The following TPPP variants were observed in gnomAD, a reference collection of about 807,000 sequenced individuals.
TPPP encodes the protein tubulin polymerization promoting protein.
In TPPP, 6 loss-of-function variants were observed where a neutral mutation model predicts 15.5. The ratio of observed to expected loss-of-function variants is 0.39; its 90% CI spans 0.21 to 0.77. The LOEUF is 0.77. Ranked by LOEUF, TPPP falls within the 30% of genes least tolerant of loss-of-function variation. The pLI is 0.42. For synonymous variants in TPPP, 146 were observed against 133.9 expected (o/e 1.09, Z -0.63); for missense variants, 269 against 307.2 (o/e 0.88, Z 0.93).
At chr5:671,430 G>A (rs1332155047) in intron 2 of TPPP, among the ~76,000 whole-genome samples, 1 of 152,156 alleles carries the variant, frequency 6.6e-6, no homozygotes, top group African/African-American at 2.4e-5. Flanking sequence ...CCTGGGCAGG[G>A]CTTTGGTCTG....
chr5:696,905 C>T (rs550825757), upstream of TPPP, among the ~76,000 whole-genome samples: 13 of 149,714 alleles, frequency 8.7e-5, no homozygotes, highest in African/African-American at 2.4e-4. Flanking sequence ...AGTGTGTCTG[C>T]GTGTGCCTGT....
chr5:672,202 C>T (rs923741050), intron 2 of TPPP, among the ~76,000 whole-genome samples: 8 of 152,158 alleles, frequency 5.3e-5, no homozygotes, highest in South Asian at 2.1e-4. Flanking sequence ...ACCCCAGTGC[C>T]GGCTGGCCGG....
At chr5:665,833 CA>C in intron 3 of TPPP, 136 bp downstream of exon 3, 1 of 1,035,356 alleles carries the variant, frequency 9.7e-7, no homozygotes, top group Non-Finnish European at 1.3e-6. Context: ...CCCTCCTGAC[CA>C]CGCCTCCCAG....
At chr5:683,239 C>G (rs570904518) in intron 1 of TPPP, among the ~76,000 whole-genome samples, 2 of 152,276 alleles carry the variant, frequency 1.3e-5, no homozygotes, top group Non-Finnish European at 2.9e-5. Flanking sequence ...TCCCTCGCAC[C>G]CGATGGCCTC....
At chr5:677,707 C>T (rs1321244568) in intron 2 of TPPP, 43 bp downstream of exon 2, 2 of 1,509,716 alleles carry the variant, frequency 1.3e-6, no homozygotes, top group African/African-American at 1.4e-5. Context: ...GCCGCAGACC[C>T]CCGTAAGTCA....
chr5:683,967 C>T (rs371320337), intron 1 of TPPP, among the ~76,000 whole-genome samples: 8 of 152,340 alleles, frequency 5.3e-5, no homozygotes, highest in South Asian at 4.1e-4. Context: ...CCCTCCACCT[C>T]GGGCCGGCTG....
chr5:680,561 G>A (rs1307424698), intron 1 of TPPP, among the ~76,000 whole-genome samples: 2 of 148,250 alleles, frequency 1.3e-5, no homozygotes, highest in African/African-American at 5.0e-5. Context: ...GTCCACGGGC[G>A]CTTGGGAGGG....
At chr5:671,463 CTGTT>C (rs1021720847) in intron 2 of TPPP, among the ~76,000 whole-genome samples, 6 of 152,210 alleles carry the variant, frequency 3.9e-5, no homozygotes, top group African/African-American at 1.2e-4. Context: ...CAGTTTCTGG[CTGTT>C]TGTTTGGAGA....
At chr5:688,200 C>A (rs1394494434) in intron 1 of TPPP, among the ~76,000 whole-genome samples, 1 of 131,448 alleles carries the variant, frequency 7.6e-6, no homozygotes, top group African/African-American at 2.7e-5. Context: ...GACTCATGAC[C>A]ACATGCCCCA....
chr5:683,284 C>T (rs865775439), intron 1 of TPPP, among the ~76,000 whole-genome samples: 3 of 76,974 alleles, frequency 3.9e-5, no homozygotes, highest in Middle Eastern at 6.9e-3. Flanking sequence ...CCTGTCTCTG[C>T]GGAGAAAGAC....
chr5:677,625 GC>G (rs1448563589), intron 2 of TPPP, 124 bp downstream of exon 2: 23 of 863,608 alleles, frequency 2.7e-5, no homozygotes, highest in African/African-American at 1.4e-4. Flanking sequence ...TCTGAGAAGG[GC>G]GGGGTCTTGA....
At chr5:676,761 G>T (rs962308080) in intron 2 of TPPP, 3 of 152,266 alleles carry the variant, frequency 2.0e-5, no homozygotes, top group African/African-American at 7.2e-5. Flanking sequence ...TGCGTGACAC[G>T]GCAACAGACG....
chr5:693,461 C>G (rs1311993582), upstream of TPPP: 30 of 147,224 alleles, frequency 2.0e-4, no homozygotes, highest in African/African-American at 7.4e-4. Flanking sequence ...CCCAGCGTCC[C>G]GCCCCGCGCG....
chr5:675,142 T>TGTGGCCAGGGGTGCAAC (rs1740366401), intron 2 of TPPP, among the ~76,000 whole-genome samples: 2 of 65,448 alleles, frequency 3.1e-5, no homozygotes, highest in African/African-American at 1.2e-4. Context: ...AGGGGTGCAG[T>TGTGGCCAGGGGTGCAAC]GTGGCCAGGG....
chr5:697,418 G>T (rs1345130181), upstream of TPPP, among the ~76,000 whole-genome samples: 2 of 151,396 alleles, frequency 1.3e-5, no homozygotes, highest in African/African-American at 4.9e-5. Flanking sequence ...CAGCGTGCTG[G>T]GAAGAAAAGA....
chr5:677,759 C>T lies in TPPP; in HGVS notation c.302G>A (p.Ser101Asn). Residue 101 changes from serine (S) to asparagine (N), a missense_variant, in exon 2 of 4, where the codon AGC becomes AAC. Transcript: ENST00000360578. The stretch of plus-strand genomic sequence containing the variant: ...AGCCCAGCGCACTCACTTGATCTTG[C>T]TGAAGACGATGTCCACGTCAGTGAC... ...VTVTDVDIVFSKIKGKSCRTI... is the reference protein window; with the variant it reads ...VTVTDVDIVFNKIKGKSCRTI... 6.4e-7 allele frequency: 1 copy of T among 1,566,476 alleles called. No individual in the cohort carries two copies. Among genetic ancestry groups the T allele is most frequent in the Non-Finnish European group, 8.7e-7 (1 of 1,153,566 alleles).
intron 2 of TPPP, among the ~76,000 whole-genome samples, chr5:668,609 G>A (rs1007698599): frequency 4.6e-5 from 7 of 152,254 alleles, no homozygotes; most frequent in African/African-American, 7.2e-5. Flanking sequence ...GTCCACACCC[G>A]GCCGAGCAAC....
At chr5:669,765 C>T (rs1740135103) in intron 2 of TPPP, among the ~76,000 whole-genome samples, 1 of 152,190 alleles carries the variant, frequency 6.6e-6, no homozygotes, top group East Asian at 1.9e-4. Flanking sequence ...CGGGTCTCTG[C>T]CCCACACGGG....
chr5:677,332 C>T (rs1203920934), intron 2 of TPPP, among the ~76,000 whole-genome samples: 1 of 152,240 alleles, frequency 6.6e-6, no homozygotes, highest in Non-Finnish European at 1.5e-5. Flanking sequence ...CAGCAGCCAC[C>T]TGCCCCTCCA....
Sources: allele counts gnomAD v4.1 joint callset (sites outside exome capture counted in the v4.1 genomes callset), GRCh38; gene constraint gnomAD v4.1.1; transcripts MANE v1.5; gene names NCBI Gene and HGNC (gene_info 2026-07-23, HGNC 2026-07-21).